Variants in ADCY8 observed in about 807,000 individuals in gnomAD.
ADCY8 encodes adenylate cyclase 8.
In ADCY8, 51 loss-of-function variants were observed where a neutral mutation model predicts 119.7. The observed-to-expected ratio is 0.43, with a 90% CI of 0.34 to 0.54. The LOEUF (loss-of-function observed/expected upper bound fraction) is 0.54, where lower values mean the gene tolerates loss of function less well. Ranked by LOEUF, ADCY8 falls within the 20% of genes least tolerant of loss-of-function variation. The pLI is 0.03. For synonymous variants in ADCY8, 665 were observed against 651.0 expected, an observed-to-expected ratio of 1.02 and a Z score of -0.33; for missense variants, 1,383 against 1,598.8, an observed-to-expected ratio of 0.87 and a Z score of 2.30.
chr8:130,960,970 G>A (rs1821584299), intron 2 of ADCY8, among the ~76,000 whole-genome samples: 1 of 152,144 alleles, frequency 6.6e-6, no homozygotes, highest in Admixed American at 6.6e-5. Context: ...AAACCCTGCT[G>A]TTCTTAGGAG....
intron 7 of ADCY8, among the ~76,000 whole-genome samples, chr8:130,895,143 T>A (rs1022617015): frequency 1.3e-5 from 2 of 152,166 alleles, no homozygotes; most frequent in East Asian, 3.9e-4. Flanking sequence ...TTACTCTTCC[T>A]ACCTATCTTC....
rs144306962 is a variant in ADCY8 at position 131,034,727 on chromosome 8, C to T, written c.960+4647G>A. On this transcript the variant is annotated intron_variant, in intron 1 of 17. Transcript: ENST00000286355. ...GAAATCATCTCCACTCTGACAAGTCCGCTTATCTATCTCACCAAGAGGCAC... is the reference window on the plus strand; with the variant it reads ...GAAATCATCTCCACTCTGACAAGTCTGCTTATCTATCTCACCAAGAGGCAC... Among the ~76,000 whole-genome samples the T allele has an allele frequency of 4.9e-4, 74 of 152,168 alleles. 1 individual carries two copies. The highest frequency in any genetic ancestry group is 5.9e-4 in the Admixed American group (9 of 15,282).
intron 1 of ADCY8, among the ~76,000 whole-genome samples, chr8:131,007,401 T>C (rs1370449145): frequency 1.8e-4 from 28 of 151,780 alleles, no homozygotes; most frequent in Admixed American, 1.8e-3. Context: ...CCTGAAGAGG[T>C]TTTTGGTTGT....
chr8:131,003,549 C>T lies in ADCY8; in HGVS notation c.961-13007G>A, dbSNP rs16904396. Reference sequence around the variant, plus strand: ...CTCTTCAGAAGGGGACTTGGGGGAACGTCTGTTTACACACTCCAGCTGTTT... The same window carrying T: ...CTCTTCAGAAGGGGACTTGGGGGAATGTCTGTTTACACACTCCAGCTGTTT... On this transcript the variant is annotated intron_variant, in intron 1 of 17. Coordinates refer to ENST00000286355, the MANE Select transcript of ADCY8 (RefSeq NM_001115.3). Among the ~76,000 whole-genome samples, 1,306 of 152,224 alleles carry T rather than the reference C, an allele frequency of 8.6e-3. 19 individuals carry two copies. The highest frequency in any genetic ancestry group is 0.029 in the African/African-American group (1,217 of 41,538).
chr8:130,889,037 C>G (rs1819091579), intron 7 of ADCY8, among the ~76,000 whole-genome samples: 1 of 152,156 alleles, frequency 6.6e-6, no homozygotes, highest in Admixed American at 6.6e-5. Context: ...AGCATCCTTA[C>G]AGACACTGCA....
At chr8:131,027,657 A>T (rs113045610) in intron 1 of ADCY8, among the ~76,000 whole-genome samples, 2 of 152,178 alleles carry the variant, frequency 1.3e-5, no homozygotes, top group African/African-American at 4.8e-5. Flanking sequence ...GGCTGCCTCA[A>T]TGGAGGTATC....
chr8:130,905,548 A>G (rs938776619), intron 6 of ADCY8, among the ~76,000 whole-genome samples: 2 of 152,196 alleles, frequency 1.3e-5, no homozygotes, highest in Non-Finnish European at 2.9e-5. Context: ...AATATATCCA[A>G]GTAAACAGAA....
chr8:130,869,513 T>C, intron 8 of ADCY8, among the ~76,000 whole-genome samples: 1 of 110,070 alleles, frequency 9.1e-6, no homozygotes, highest in East Asian at 3.2e-4. Flanking sequence ...TGTTTATTTT[T>C]TTTTGTTTTT....
At chr8:130,822,539 C>CATGA (rs201840309) in intron 12 of ADCY8, among the ~76,000 whole-genome samples, 1,512 of 19,472 alleles carry the variant, frequency 0.078, 11 homozygotes, top group African/African-American at 0.12. Flanking sequence ...TCCATGAATC[C>CATGA]ATCCATCCAT....
chr8:130,822,413 A>G (rs1397456705), intron 12 of ADCY8, among the ~76,000 whole-genome samples: 2 of 152,172 alleles, frequency 1.3e-5, no homozygotes, highest in Non-Finnish European at 2.9e-5. Context: ...GTGCTAACAG[A>G]GCTGTCCACT....
At chr8:130,970,873 C>T (rs573630562) in intron 2 of ADCY8, among the ~76,000 whole-genome samples, 9 of 152,124 alleles carry the variant, frequency 5.9e-5, no homozygotes, top group African/African-American at 2.2e-4. Flanking sequence ...TGAGAAATGA[C>T]AGGGACCTGG....
chr8:130,863,582 T>C (rs1418116434), intron 9 of ADCY8, among the ~76,000 whole-genome samples: 2 of 152,164 alleles, frequency 1.3e-5, no homozygotes, highest in African/African-American at 4.8e-5. Flanking sequence ...ATTGAGCATT[T>C]TATATGATTT....
At chr8:130,853,980 T>C (rs73716647) in intron 9 of ADCY8, among the ~76,000 whole-genome samples, 3,499 of 152,302 alleles carry the variant, frequency 0.023, 131 homozygotes, top group African/African-American at 0.08. Context: ...AAAGAAATGT[T>C]AGTTCTCTTT....
chr8:130,898,855 T>C (rs1469343703), intron 7 of ADCY8, among the ~76,000 whole-genome samples: 51 of 152,202 alleles, frequency 3.4e-4, no homozygotes, highest in Admixed American at 3.2e-3. Context: ...TTCTGCTAAG[T>C]CTACTCTTGT....
At chr8:130,920,485 A>C (rs1316334654) in intron 5 of ADCY8, among the ~76,000 whole-genome samples, 1 of 152,232 alleles carries the variant, frequency 6.6e-6, no homozygotes. Flanking sequence ...AGGCTCTGCC[A>C]CTTATCCAAT....
At chr8:130,860,362 T>C (rs1482652283) in intron 9 of ADCY8, among the ~76,000 whole-genome samples, 1 of 152,222 alleles carries the variant, frequency 6.6e-6, no homozygotes, top group Admixed American at 6.5e-5. Flanking sequence ...TGTGTTTTCA[T>C]TCTCAAACAG....
intron 1 of ADCY8, among the ~76,000 whole-genome samples, chr8:130,995,993 T>C (rs1241711687): frequency 5.3e-5 from 8 of 152,208 alleles, no homozygotes; most frequent in Admixed American, 3.3e-4. Flanking sequence ...TTCTAGATAT[T>C]TGATAAATAA....
At chr8:131,016,832 G>A (rs1275969645) in intron 1 of ADCY8, among the ~76,000 whole-genome samples, 2 of 152,106 alleles carry the variant, frequency 1.3e-5, no homozygotes, top group Non-Finnish European at 2.9e-5. Context: ...GCAGAGGACA[G>A]GCCTGACTTC....
At chr8:130,876,815 C>T (rs2130432210) in intron 8 of ADCY8, among the ~76,000 whole-genome samples, 1 of 152,192 alleles carries the variant, frequency 6.6e-6, no homozygotes, top group African/African-American at 2.4e-5. Context: ...CTGTATAACT[C>T]CTCCCTTGCA....
Sources: allele counts gnomAD v4.1 joint callset (sites outside exome capture counted in the v4.1 genomes callset), GRCh38; gene constraint gnomAD v4.1.1; transcripts MANE v1.5; gene names NCBI Gene and HGNC (gene_info 2026-07-23, HGNC 2026-07-21).